MAPK8: variants seen among roughly 807,000 people sequenced by gnomAD.
MAPK8 encodes the protein JUN N-terminal kinase.
A neutral mutation model predicts 52.9 loss-of-function variants in MAPK8; 13 were observed. The observed-to-expected ratio is 0.25, with a 90% CI of 0.16 to 0.39. The LOEUF is 0.39. MAPK8 is among the 10% of genes least tolerant of loss of function. The probability of loss-of-function intolerance (pLI) is 1.00; values close to 1 mark genes in which losing one functional copy is unlikely to be tolerated. For missense variants in MAPK8, 300 were observed against 519.2 expected (o/e 0.58, Z 4.10); for synonymous variants, 191 against 169.8 (o/e 1.12, Z -0.97).
At position 48,390,694 on chromosome 10, in the gene MAPK8, T is replaced by C. The variant is rs138864074; in HGVS notation, c.-49-10918T>C. 1.8e-3 allele frequency among the ~76,000 whole-genome samples: 281 copies of C among 152,308 alleles called. 1 individual carries two copies. The highest frequency in any genetic ancestry group is 6.3e-3 in the African/African-American group (263 of 41,568). ...GCGGTCAGCCTGATATATAAAGATA[T>C]CACAGAAATAAACCTTGAGTCATAA... On this transcript the variant is annotated intron_variant, in intron 1 of 11. Coordinates refer to ENST00000374189, the MANE Select transcript of MAPK8 (RefSeq NM_001323329.2).
intron 1 of MAPK8, among the ~76,000 whole-genome samples, chr10:48,358,526 C>T (rs1394097174): frequency 3.3e-5 from 5 of 152,164 alleles, no homozygotes; most frequent in African/African-American, 1.2e-4. Context: ...TTGTCAGATA[C>T]ATGAGTTGCA....
At position 48,437,175 on chromosome 10, in the gene MAPK8, T is replaced by C. The variant is rs2044918706; in HGVS notation, c.*2146T>C. 6.6e-6 allele frequency: 1 copy of C among 152,256 alleles called. No homozygotes were observed. The highest frequency in any genetic ancestry group is 6.5e-5 in the Admixed American group (1 of 15,286). 9.4% of individuals were successfully genotyped at this position (152,256 alleles called of 1,614,324 possible). On this transcript the variant is annotated 3_prime_UTR_variant, in exon 12 of 12. Transcript: ENST00000374189. ...TCAATTCAAAGAAAACAAACTCTCATTACTTAGTGTAAACTAAAATACTTA... is the reference window on the plus strand; with the variant it reads ...TCAATTCAAAGAAAACAAACTCTCACTACTTAGTGTAAACTAAAATACTTA...
intron 1 of MAPK8, among the ~76,000 whole-genome samples, chr10:48,391,362 A>C (rs2041612355): frequency 6.6e-6 from 1 of 152,168 alleles, no homozygotes; most frequent in African/African-American, 2.4e-5. Context: ...CTTTGTTTTT[A>C]ATCTCAGAAG....
chr10:48,345,380 G>A (rs1355800953), intron 1 of MAPK8, among the ~76,000 whole-genome samples: 1 of 152,166 alleles, frequency 6.6e-6, no homozygotes, highest in Non-Finnish European at 1.5e-5. Flanking sequence ...TTTTCTGGTA[G>A]AAAGTGAATC....
intron 1 of MAPK8, among the ~76,000 whole-genome samples, chr10:48,393,384 A>C (rs1431678693): frequency 6.6e-6 from 1 of 152,150 alleles, no homozygotes; most frequent in East Asian, 1.9e-4. Flanking sequence ...CAAAATTTGA[A>C]GGACTCAAAT....
At position 48,426,464 on chromosome 10, in the gene MAPK8, C is replaced by T; in HGVS notation, c.956C>T (p.Pro319Leu). The T allele has an allele frequency of 6.2e-7, 1 of 1,611,840 alleles. No homozygotes were observed. The highest frequency in any genetic ancestry group is 8.5e-7 in the Non-Finnish European group (1 of 1,179,096). ...RISVDEALQHPYINVWYDPSE... is the reference protein window; with the variant it reads ...RISVDEALQHLYINVWYDPSE... The stretch of plus-strand genomic sequence containing the variant: ...TCTGTAGATGAAGCTCTCCAACACC[C>T]GTACATCAATGTCTGGTATGATCCT... Residue 319 changes from proline to leucine, a missense_variant, in exon 9 of 12, where the codon CCG becomes CTG. Pro to Leu is a moderately conservative substitution (Grantham distance 98). Around this residue, in one of 3 missense-constraint regions of MAPK8, gnomAD observed 119 missense variants for 154.4 expected, o/e 0.77. Coordinates refer to ENST00000374189, the MANE Select transcript of MAPK8 (RefSeq NM_001323329.2).
chr10:48,428,866 G>A (rs1589283359), intron 10 of MAPK8, among the ~76,000 whole-genome samples: 2 of 152,164 alleles, frequency 1.3e-5, no homozygotes, highest in African/African-American at 4.8e-5. Flanking sequence ...TGTCCCCCAG[G>A]CTAGAGTGCA....
chr10:48,341,378 T>C (rs1845240901), intron 1 of MAPK8, among the ~76,000 whole-genome samples: 1 of 152,194 alleles, frequency 6.6e-6, no homozygotes, highest in South Asian at 2.1e-4. Context: ...AAATCTGAAA[T>C]GCTCCAAAAT....
chr10:48,375,506 C>CA (rs55797111), intron 1 of MAPK8, among the ~76,000 whole-genome samples: 152,308 of 152,310 alleles, frequency 1, 76,153 homozygotes, highest in Middle Eastern at 1. Context: ...TGTCTCAGCC[C>CA]AAATCTTAAG....
intron 7 of MAPK8, chr10:48,425,253 A>C (rs767990771): frequency 6.8e-6 from 5 of 740,602 alleles, no homozygotes; most frequent in Non-Finnish European, 1.0e-5. Context: ...AGGGTCCTGG[A>C]GTGTAAAGAC....
intron 1 of MAPK8, among the ~76,000 whole-genome samples, chr10:48,351,841 G>A: frequency 6.6e-6 from 1 of 152,094 alleles, no homozygotes; most frequent in East Asian, 1.9e-4. Context: ...TGCATTGGTT[G>A]AGCATCCCGA....
At chr10:48,425,143 G>T (rs1399504205) in intron 7 of MAPK8, 1 of 747,464 alleles carries the variant, frequency 1.3e-6, no homozygotes, top group East Asian at 2.5e-5. Flanking sequence ...GATTTGTTAT[G>T]TGTTTACCAG....
At chr10:48,424,028 T>C (rs1465701558) in intron 6 of MAPK8, 60 bp from the exon 7 acceptor site, 2 of 1,349,934 alleles carry the variant, frequency 1.5e-6, no homozygotes, top group East Asian at 4.6e-5. Flanking sequence ...CATATTATGC[T>C]TCTTTGATTT....
intron 1 of MAPK8, among the ~76,000 whole-genome samples, chr10:48,311,106 C>T (rs971644733): frequency 2.0e-5 from 3 of 152,084 alleles, no homozygotes; most frequent in African/African-American, 7.2e-5. Context: ...CCTCATAGGG[C>T]TGTGAGGTTT....
intron 7 of MAPK8, 54 bp from the exon 8 acceptor site, chr10:48,425,834 A>ATT: frequency 1.0e-6 from 1 of 984,234 alleles, no homozygotes; most frequent in Non-Finnish European, 1.5e-6. Context: ...TATGAATATG[A>ATT]CTAATGTATT....
chr10:48,372,744 A>G (rs1328695524), intron 1 of MAPK8, among the ~76,000 whole-genome samples: 3 of 152,134 alleles, frequency 2.0e-5, no homozygotes, highest in Non-Finnish European at 4.4e-5. Flanking sequence ...AAAAGACCAA[A>G]TCTACGTTTG....
At chr10:48,393,528 A>T (rs1258756603) in intron 1 of MAPK8, among the ~76,000 whole-genome samples, 1 of 152,116 alleles carries the variant, frequency 6.6e-6, no homozygotes, top group African/African-American at 2.4e-5. Context: ...ATGGGATGTA[A>T]TACCACGGAC....
At chr10:48,395,727 TCTAA>T (rs549848206) in intron 1 of MAPK8, among the ~76,000 whole-genome samples, 11 of 152,102 alleles carry the variant, frequency 7.2e-5, no homozygotes, top group Non-Finnish European at 1.0e-4. Flanking sequence ...ACCACTAGAT[TCTAA>T]CTAAGACGTA....
At chr10:48,360,586 C>A (rs1024501729) in intron 1 of MAPK8, among the ~76,000 whole-genome samples, 10 of 152,104 alleles carry the variant, frequency 6.6e-5, no homozygotes, top group African/African-American at 2.4e-4. Flanking sequence ...ATTAGATAAA[C>A]TGTGGTATAT....
Sources: gnomAD v4.1 joint callset for allele counts (sites outside exome capture counted in the v4.1 genomes callset) on GRCh38, gnomAD v4.1.1 for gene constraint, gnomAD v4.1.1 regional missense constraint, MANE v1.5 for transcripts, NCBI Gene and HGNC (gene_info 2026-07-23, HGNC 2026-07-21) for gene names.